ABLIM1: variants seen among roughly 807,000 people sequenced by gnomAD.
ABLIM1 encodes actin binding LIM protein 1.
Under a neutral mutation model 107.0 loss-of-function variants are expected in ABLIM1, and 40 were observed. The observed-to-expected ratio is 0.37, with a 90% CI of 0.29 to 0.49. The LOEUF is 0.49. Ranked by LOEUF, ABLIM1 falls within the 20% of genes least tolerant of loss-of-function variation. The pLI, the probability that ABLIM1 is intolerant of heterozygous loss-of-function variation, is 0.97. For missense variants in ABLIM1, 857 were observed against 1,008.5 expected, an observed-to-expected ratio of 0.85 and a Z score of 2.04; for synonymous variants, 357 against 357.3, an observed-to-expected ratio of 1.00 and a Z score of 0.01.
At chr10:114,703,042 A>G (rs73371882) in intron 1 of ABLIM1, among the ~76,000 whole-genome samples, 3,746 of 152,316 alleles carry the variant, frequency 0.025, 141 homozygotes, top group African/African-American at 0.085. Context: ...TAACTCAGAC[A>G]TTTGGAAACC....
At chr10:114,591,765 T>C (rs1324864984) in intron 2 of ABLIM1, among the ~76,000 whole-genome samples, 1 of 117,754 alleles carries the variant, frequency 8.5e-6, no homozygotes, top group Non-Finnish European at 1.8e-5. Context: ...AGACCAGAAG[T>C]ATTTCAAACT....
At chr10:114,494,298 G>A (rs1001811592) in intron 6 of ABLIM1, among the ~76,000 whole-genome samples, 3 of 152,200 alleles carry the variant, frequency 2.0e-5, no homozygotes, top group African/African-American at 7.2e-5. Context: ...TTTGGGAGAC[G>A]TAGGCAGGAG....
the ABLIM1 span, among the ~76,000 whole-genome samples, chr10:114,799,061 G>A: frequency 6.6e-6 from 1 of 152,174 alleles, no homozygotes; most frequent in East Asian, 1.9e-4. Context: ...GCCTCCCAAA[G>A]TGTTGGGATT....
intron 4 of ABLIM1, among the ~76,000 whole-genome samples, chr10:114,555,209 G>T (rs2138004820): frequency 6.6e-6 from 1 of 152,224 alleles, no homozygotes; most frequent in Non-Finnish European, 1.5e-5. Flanking sequence ...TCTGAAGTTT[G>T]CATGTCTGTT....
intron 2 of ABLIM1, among the ~76,000 whole-genome samples, chr10:114,596,540 A>G (rs2075433175): frequency 6.6e-6 from 1 of 152,176 alleles, no homozygotes; most frequent in African/African-American, 2.4e-5. Context: ...CATGTAGTAA[A>G]TGGATGAGTA....
At chr10:114,615,072 G>GAAAGAAAC (rs2077045714) in intron 1 of ABLIM1, among the ~76,000 whole-genome samples, 1 of 150,056 alleles carries the variant, frequency 6.7e-6, no homozygotes, top group Non-Finnish European at 1.5e-5. Flanking sequence ...AAGAAAGAAA[G>GAAAGAAAC]AAAGAAAGAA....
chr10:114,487,682 G>T (rs2058383045), intron 8 of ABLIM1, among the ~76,000 whole-genome samples: 1 of 152,182 alleles, frequency 6.6e-6, no homozygotes, highest in South Asian at 2.1e-4. Flanking sequence ...TTTCCCATCT[G>T]CATGATTTGA....
chr10:114,529,026 T>A (rs1461390543), intron 6 of ABLIM1, among the ~76,000 whole-genome samples: 1 of 152,106 alleles, frequency 6.6e-6, no homozygotes, highest in African/African-American at 2.4e-5. Context: ...GTGTCCCCCT[T>A]TACAAAGGTA....
At chr10:114,709,673 G>A (rs2081504432) in intron 1 of ABLIM1, among the ~76,000 whole-genome samples, 1 of 152,122 alleles carries the variant, frequency 6.6e-6, no homozygotes, top group South Asian at 2.1e-4. Flanking sequence ...AAACTACAAA[G>A]TTATTGTCAT....
chr10:114,501,627 A>C (rs2060441697), intron 6 of ABLIM1, among the ~76,000 whole-genome samples: 1 of 152,232 alleles, frequency 6.6e-6, no homozygotes, highest in Non-Finnish European at 1.5e-5. Flanking sequence ...ACTATAAACA[A>C]CACCAAGTGC....
At chr10:114,653,128 T>C (rs986670969) in intron 1 of ABLIM1, among the ~76,000 whole-genome samples, 1 of 152,234 alleles carries the variant, frequency 6.6e-6, no homozygotes, top group Non-Finnish European at 1.5e-5. Context: ...CTAGTACTTA[T>C]GTGACCTTTG....
chr10:114,792,630 T>G, the ABLIM1 span, among the ~76,000 whole-genome samples: 1 of 152,228 alleles, frequency 6.6e-6, no homozygotes, highest in Non-Finnish European at 1.5e-5. Context: ...CCTCTTCTCC[T>G]TCTCAGGTCT....
chr10:114,749,450 C>A (rs779502126), intron 1 of ABLIM1, among the ~76,000 whole-genome samples: 204 of 141,598 alleles, frequency 1.4e-3, no homozygotes, highest in Non-Finnish European at 2.8e-3. Context: ...AACACACACA[C>A]CACACACACA....
chr10:114,601,661 C>T (rs755111209), intron 2 of ABLIM1, 166 bp downstream of exon 2: 1 of 1,145,026 alleles, frequency 8.7e-7, no homozygotes, highest in Non-Finnish European at 1.3e-6. Flanking sequence ...CTCGTTCTCG[C>T]CCTAGAGTCT....
At chr10:114,703,278 C>T (rs2081342196) in intron 1 of ABLIM1, among the ~76,000 whole-genome samples, 1 of 152,184 alleles carries the variant, frequency 6.6e-6, no homozygotes, top group Non-Finnish European at 1.5e-5. Flanking sequence ...CAACACTCAT[C>T]TCAAAGGTTA....
intron 1 of ABLIM1, among the ~76,000 whole-genome samples, chr10:114,704,628 C>T (rs1029789): frequency 0.49 from 62,857 of 127,314 alleles, 14,887 homozygotes; most frequent in South Asian, 0.62. Context: ...TTTGGTCATT[C>T]TAAGGGGGGT....
At chr10:114,512,900 G>GA (rs1270903372) in intron 6 of ABLIM1, among the ~76,000 whole-genome samples, 18 of 148,058 alleles carry the variant, frequency 1.2e-4, no homozygotes, top group Non-Finnish European at 5.9e-5. Flanking sequence ...AGGAAGGAAG[G>GA]AAGGAAGGAA....
At chr10:114,725,751 G>C (rs563082567) in intron 1 of ABLIM1, among the ~76,000 whole-genome samples, 166 of 151,432 alleles carry the variant, frequency 1.1e-3, no homozygotes, top group Non-Finnish European at 2.2e-3. Flanking sequence ...GTGTGTGTGT[G>C]TGTGTGTGTG....
chr10:114,781,687 T>TATATAA, the ABLIM1 span, among the ~76,000 whole-genome samples: 1 of 146,114 alleles, frequency 6.8e-6, no homozygotes, highest in Non-Finnish European at 1.5e-5. Flanking sequence ...TATATATATA[T>TATATAA]AATTAATGCA....
Sources: allele counts gnomAD v4.1 joint callset (sites outside exome capture counted in the v4.1 genomes callset), GRCh38; gene constraint gnomAD v4.1.1; transcripts MANE v1.5; gene names NCBI Gene and HGNC (gene_info 2026-07-23, HGNC 2026-07-21).